Variants in WDR33 observed in about 807,000 individuals in gnomAD.
WDR33 encodes WD repeat domain 33.
A neutral mutation model predicts 164.9 loss-of-function variants in WDR33; 47 were observed. The ratio of observed to expected loss-of-function variants is 0.29; its 90% CI spans 0.23 to 0.36. The LOEUF (loss-of-function observed/expected upper bound fraction) is 0.36, where lower values mean the gene tolerates loss of function less well. Among genes scored for constraint, WDR33 ranks in the 10% least tolerant of loss-of-function variants. WDR33 has a pLI of 1.00. For synonymous variants in WDR33, 505 were observed against 589.0 expected, an observed-to-expected ratio of 0.86 and a Z score of 2.06; for missense variants, 1,137 against 1,754.1, an observed-to-expected ratio of 0.65 and a Z score of 6.28.
At position 127,718,478 on chromosome 2, in the gene WDR33, GCAATT is replaced by G. The variant is rs1686348850; in HGVS notation, c.2760+782_2760+786del. 6.6e-6 allele frequency among the ~76,000 whole-genome samples: 1 copy of G among 152,124 alleles called. No individual in the cohort carries two copies. Among genetic ancestry groups the G allele is most frequent in the Non-Finnish European group, 1.5e-5 (1 of 68,032 alleles). On this transcript the variant is annotated intron_variant, in intron 16 of 21. Transcript: ENST00000322313. The surrounding 1 kb of genome is among the most constrained non-coding windows in gnomAD (Gnocchi z 4.4). ...CAGTATTACATCTATTTATGCTCAT[GCAATT>G]CTTTTCGTAATTCACTCCCCCAAGC...
chr2:127,752,613 A>C (rs988861596), intron 7 of WDR33, among the ~76,000 whole-genome samples: 1 of 151,296 alleles, frequency 6.6e-6, no homozygotes, highest in Non-Finnish European at 1.5e-5. Flanking sequence ...AAAAAAAAAA[A>C]AAAAAAAGAA....
At chr2:127,707,642 G>GATAC (rs1558917248) in intron 21 of WDR33, among the ~76,000 whole-genome samples, 1 of 152,192 alleles carries the variant, frequency 6.6e-6, no homozygotes, top group Admixed American at 6.5e-5. Flanking sequence ...ATCTATTGAT[G>GATAC]ATACATAAGG....
rs1220066055 is a variant in WDR33 at position 127,770,990 on chromosome 2, T to C, written c.-9A>G. On this transcript the variant is annotated 5_prime_UTR_variant, in exon 2 of 22. Transcript: ENST00000322313. The surrounding 1 kb of genome is among the most constrained non-coding windows in gnomAD (Gnocchi z 4.9). ...CCAATTTCTGTAGCCATGGTGATGT[T>C]TTCCTTCTAGGATACTAGGATAAGG... 6.2e-7 allele frequency: 1 copy of C among 1,613,522 alleles called. No individual in the cohort carries two copies. The highest frequency in any genetic ancestry group is 2.2e-5 in the East Asian group (1 of 44,842).
In WDR33 at chr2:127,701,981, A is replaced by G; in HGVS notation, c.*4342T>C. 1 of 1,359,092 alleles carries G rather than the reference A, an allele frequency of 7.4e-7. No individual in the cohort carries two copies. The highest frequency in any genetic ancestry group is 1.6e-5 in the South Asian group (1 of 61,314). The allele number at this position is 1,359,092 out of a possible 1,614,324, so 84.2% of individuals were successfully genotyped here. A position where few individuals can be genotyped will look rare whatever the true frequency, so the allele number is the denominator to read the frequency against. On this transcript the variant is annotated 3_prime_UTR_variant, in exon 22 of 22. Transcript: ENST00000322313. The stretch of plus-strand genomic sequence containing the variant: ...CCCGGCCCGCGCTGCTCTACATGGC[A>G]GCGCTGGGCGCCACGCTGTTCGCCG...
At chr2:127,751,604 G>T (rs1047578463) in intron 7 of WDR33, among the ~76,000 whole-genome samples, 33 of 151,478 alleles carry the variant, frequency 2.2e-4, no homozygotes, top group Admixed American at 2.2e-3. Flanking sequence ...AGATACAAAT[G>T]GAATAATTTG....
At chr2:127,803,848 T>C (rs1031985337) in intron 1 of WDR33, among the ~76,000 whole-genome samples, 1 of 149,748 alleles carries the variant, frequency 6.7e-6, no homozygotes, top group Non-Finnish European at 1.5e-5. Context: ...CTTGGGAGAC[T>C]GAGGTAGGAG....
At chr2:127,715,974 G>T (rs537969605) in intron 17 of WDR33, among the ~76,000 whole-genome samples, 53 of 152,274 alleles carry the variant, frequency 3.5e-4, no homozygotes, top group Middle Eastern at 3.4e-3. Flanking sequence ...AAAGAGCAAG[G>T]ATGAGAGGGA....
chr2:127,783,014 CTAA>C (rs905722855), intron 1 of WDR33, among the ~76,000 whole-genome samples: 2 of 151,904 alleles, frequency 1.3e-5, no homozygotes, highest in African/African-American at 2.4e-5. Context: ...GTCTCAAAAA[CTAA>C]TAATAATAAA....
chr2:127,751,198 T>C (rs924241261), intron 7 of WDR33, among the ~76,000 whole-genome samples: 1 of 151,628 alleles, frequency 6.6e-6, no homozygotes, highest in Non-Finnish European at 1.5e-5. Flanking sequence ...CTATCTCTAC[T>C]AAAAATACAA....
chr2:127,788,232 G>A (rs1688677010), intron 1 of WDR33, among the ~76,000 whole-genome samples: 1 of 133,078 alleles, frequency 7.5e-6, no homozygotes, highest in Non-Finnish European at 1.6e-5. Context: ...CAGGGCGGCT[G>A]GCCAGGCAGG....
At chr2:127,784,421 G>A (rs1217630777) in intron 1 of WDR33, among the ~76,000 whole-genome samples, 2 of 152,116 alleles carry the variant, frequency 1.3e-5, no homozygotes, top group African/African-American at 4.8e-5. Flanking sequence ...GTCTCACTCT[G>A]TCACCCAGGC....
At chr2:127,751,152 G>C (rs1402581932) in intron 7 of WDR33, among the ~76,000 whole-genome samples, 13 of 151,814 alleles carry the variant, frequency 8.6e-5, no homozygotes, top group Admixed American at 8.5e-4. Context: ...CTTGAGCCCA[G>C]GAGTTCAAGA....
chr2:127,734,716 T>C (rs1686796584), intron 7 of WDR33, among the ~76,000 whole-genome samples: 1 of 152,216 alleles, frequency 6.6e-6, no homozygotes, highest in African/African-American at 2.4e-5. Flanking sequence ...TAGGGTTACA[T>C]AGTGCTAGAA....
intron 1 of WDR33, among the ~76,000 whole-genome samples, chr2:127,805,941 CTTTT>C (rs564812658): frequency 6.6e-4 from 95 of 144,984 alleles, no homozygotes; most frequent in Admixed American, 2.7e-3. Flanking sequence ...AAAGAATAAA[CTTTT>C]GTTTAAAAAA....
chr2:127,799,925 A>G (rs942304557), intron 1 of WDR33, among the ~76,000 whole-genome samples: 7 of 152,178 alleles, frequency 4.6e-5, no homozygotes, highest in Non-Finnish European at 1.0e-4. Context: ...CCACAATTAG[A>G]TAACACTTCA....
At chr2:127,729,827 A>C (rs1686660486) in intron 7 of WDR33, among the ~76,000 whole-genome samples, 1 of 152,198 alleles carries the variant, frequency 6.6e-6, no homozygotes. Flanking sequence ...ACATCATTTT[A>C]CTTTTGAACC....
In WDR33 at chr2:127,706,616, G is replaced by C. The variant is rs1044596694; in HGVS notation, c.3782-64C>G. 1 of 1,442,060 alleles carries C rather than the reference G, an allele frequency of 6.9e-7. No homozygotes were observed. The highest frequency in any genetic ancestry group is 9.5e-7 in the Non-Finnish European group (1 of 1,054,506). 89.3% of individuals were successfully genotyped at this position (1,442,060 alleles called of 1,614,324 possible). A position where few individuals can be genotyped will look rare whatever the true frequency, so the allele number is the denominator to read the frequency against. ...AGCAACTGTTTGTCAGTAACTCCCAGTACAAACTTTACTCTCTGATGACAA... is the reference window on the plus strand; with the variant it reads ...AGCAACTGTTTGTCAGTAACTCCCACTACAAACTTTACTCTCTGATGACAA... On this transcript the variant is annotated intron_variant, in intron 21 of 21. Coordinates refer to ENST00000322313, the MANE Select transcript of WDR33 (RefSeq NM_018383.5). This position sits in a 1 kb window ranked among gnomAD's most constrained non-coding sequence, Gnocchi z 5.1.
At chr2:127,756,238 A>G (rs1687514928) in intron 7 of WDR33, among the ~76,000 whole-genome samples, 1 of 151,456 alleles carries the variant, frequency 6.6e-6, no homozygotes, top group Admixed American at 6.6e-5. Context: ...GGAGGCTGAG[A>G]CACGAGAATT....
At chr2:127,765,977 C>T (rs79544235) in intron 4 of WDR33, among the ~76,000 whole-genome samples, 3,233 of 152,062 alleles carry the variant, frequency 0.021, 124 homozygotes, top group African/African-American at 0.075. Context: ...ATGCCAATAA[C>T]TTTTTTTGCA....
Sources: allele counts gnomAD v4.1 joint callset (sites outside exome capture counted in the v4.1 genomes callset), GRCh38; gene constraint gnomAD v4.1.1; non-coding constraint Gnocchi (gnomAD v3.1); transcripts MANE v1.5; gene names NCBI Gene and HGNC (gene_info 2026-07-23, HGNC 2026-07-21).